Variants in MYO5C observed in about 807,000 individuals in gnomAD.
MYO5C encodes myosin VC.
Under a neutral mutation model 235.7 loss-of-function variants are expected in MYO5C, and 194 were observed. The observed-to-expected ratio is 0.82, with a 90% confidence interval of 0.73 to 0.93. The LOEUF (loss-of-function observed/expected upper bound fraction) is 0.93. Ranked by LOEUF, MYO5C falls within the 40% of genes least tolerant of loss-of-function variation. MYO5C has a pLI of 0.00. For missense variants in MYO5C, 2,038 were observed against 2,127.2 expected, an observed-to-expected ratio of 0.96 and a Z score of 0.82; for synonymous variants, 707 against 754.8, an observed-to-expected ratio of 0.94 and a Z score of 1.04.
intron 1 of MYO5C, among the ~76,000 whole-genome samples, chr15:52,288,853 A>G (rs1265080780): frequency 2.0e-5 from 3 of 152,174 alleles, no homozygotes; most frequent in Non-Finnish European, 2.9e-5. Flanking sequence ...CAAGGCGCCA[A>G]GCTGAGGCAG....
At chr15:52,263,629 C>T (rs1409453546) in intron 9 of MYO5C, among the ~76,000 whole-genome samples, 1 of 152,158 alleles carries the variant, frequency 6.6e-6, no homozygotes, top group Non-Finnish European at 1.5e-5. Flanking sequence ...ACATCTCCTG[C>T]CTGCGGGTTT....
At chr15:52,273,413 G>A (rs1052485257) in intron 5 of MYO5C, among the ~76,000 whole-genome samples, 1 of 152,180 alleles carries the variant, frequency 6.6e-6, no homozygotes, top group East Asian at 1.9e-4. Context: ...CACTGTTATG[G>A]ACTGAATGTT....
chr15:52,272,808 A>G, intron 5 of MYO5C, 85 bp from the exon 6 acceptor site: 4 of 1,378,776 alleles, frequency 2.9e-6, no homozygotes, highest in African/African-American at 2.9e-5. Context: ...GTAAAAGGCA[A>G]TCCTGTACCC....
chr15:52,291,384 C>G (rs959058034), intron 1 of MYO5C, among the ~76,000 whole-genome samples: 1 of 152,242 alleles, frequency 6.6e-6, no homozygotes, highest in African/African-American at 2.4e-5. Context: ...GCTCTCTGGG[C>G]TTTCTTCCTT....
chr15:52,214,389 C>G (rs1196803651), intron 33 of MYO5C, among the ~76,000 whole-genome samples: 1 of 152,276 alleles, frequency 6.6e-6, no homozygotes, highest in East Asian at 1.9e-4. Context: ...ATGTCTCTTG[C>G]GAGTACATGA....
intron 37 of MYO5C, 131 bp downstream of exon 37, chr15:52,205,685 T>C (rs2035296239): frequency 2.0e-6 from 1 of 502,956 alleles, no homozygotes; most frequent in Non-Finnish European, 3.4e-6. Flanking sequence ...AAGGCAGATA[T>C]CTACATGATT....
chr15:52,292,002 G>A (rs200907635), intron 1 of MYO5C, among the ~76,000 whole-genome samples: 1 of 152,028 alleles, frequency 6.6e-6, no homozygotes, highest in Non-Finnish European at 1.5e-5. Context: ...GCCTCCCAAA[G>A]TGCTGGGATT....
intron 32 of MYO5C, among the ~76,000 whole-genome samples, chr15:52,217,274 C>T (rs986413534): frequency 6.6e-6 from 1 of 152,194 alleles, no homozygotes; most frequent in African/African-American, 2.4e-5. Context: ...CTTAGCTCAG[C>T]GCACCTGTGG....
At chr15:52,201,609 CA>C (rs1282830357) in intron 38 of MYO5C, among the ~76,000 whole-genome samples, 2 of 152,086 alleles carry the variant, frequency 1.3e-5, no homozygotes, top group African/African-American at 4.8e-5. Context: ...AATGAAGAAA[CA>C]ACAGAAATGG....
intron 1 of MYO5C, among the ~76,000 whole-genome samples, chr15:52,285,758 C>T (rs996868828): frequency 1.3e-5 from 2 of 152,212 alleles, no homozygotes; most frequent in East Asian, 1.9e-4. Flanking sequence ...GACGGAGTGT[C>T]GTTCACTCAG....
chr15:52,272,122 C>T (rs975858790), intron 6 of MYO5C, among the ~76,000 whole-genome samples: 9 of 152,178 alleles, frequency 5.9e-5, no homozygotes, highest in Non-Finnish European at 1.3e-4. Context: ...TTTTTACAAA[C>T]TTCCTGCAAT....
chr15:52,251,727 C>T (rs985309895), intron 12 of MYO5C, among the ~76,000 whole-genome samples: 6 of 151,914 alleles, frequency 3.9e-5, no homozygotes, highest in East Asian at 1.9e-4. Flanking sequence ...TGTGATGACG[C>T]GATCTTGGCT....
intron 3 of MYO5C, 62 bp from the exon 4 acceptor site, chr15:52,279,079 T>A: frequency 6.4e-7 from 1 of 1,552,822 alleles, no homozygotes; most frequent in South Asian, 1.2e-5. Flanking sequence ...TCCAGTTTTT[T>A]TTTTTTTAAG....
At chr15:52,279,430 C>T (rs1270860058) in intron 3 of MYO5C, 79 bp downstream of exon 3, 1 of 1,484,682 alleles carries the variant, frequency 6.7e-7, no homozygotes, top group East Asian at 2.3e-5. Context: ...TCAGTATAAA[C>T]ATAAAACAAC....
Position 52,275,156 on chromosome 15 carries a change from C to G in MYO5C, c.606+406G>C, listed in dbSNP as rs556690725. On this transcript the variant is annotated intron_variant, in intron 5 of 40. Transcript: ENST00000261839. ...AGGCAGAAGGTATAAATACTTCTCC[C>G]CTGACTGATGTCAAACTACCAAAGG... Among the ~76,000 whole-genome samples, 5 of 152,350 alleles carry G rather than the reference C, an allele frequency of 3.3e-5. 1 individual carries two copies. The South Asian group carries it at 1.0e-3, about 32-fold the overall frequency.
chr15:52,272,733 A>AG lies in MYO5C; in HGVS notation c.607-11_607-10insC. 1.2e-6 allele frequency: 2 copies of AG among 1,609,414 alleles called. No individual in the cohort carries two copies. The highest frequency in any genetic ancestry group is 1.7e-6 in the Non-Finnish European group (2 of 1,178,920). On this transcript the variant is annotated splice_polypyrimidine_tract_variant and intron_variant, in intron 5 of 40. Coordinates refer to ENST00000261839, the MANE Select transcript of MYO5C (RefSeq NM_018728.4). ...TGGCATTTCCAACGGCCTAAAAAAA[A>AG]TAAGACTCTATTGAAATAACAACAT...
At chr15:52,295,547 G>A (rs2037483907) in intron 1 of MYO5C, 63 bp downstream of exon 1, 3 of 1,487,314 alleles carry the variant, frequency 2.0e-6, no homozygotes, top group Non-Finnish European at 2.7e-6. Flanking sequence ...GCGCCAGGTC[G>A]AGTCAGCGTT....
rs764342766 is a variant in MYO5C at position 52,237,654 on chromosome 15, A to G, written c.2704-8T>C. The G allele has an allele frequency of 1.2e-6, 2 of 1,603,328 alleles. No homozygotes were observed. The highest frequency in any genetic ancestry group is 1.1e-5 in the South Asian group (1 of 88,894). On this transcript the variant is annotated splice_polypyrimidine_tract_variant and splice_region_variant and intron_variant, in intron 21 of 40. Transcript: ENST00000261839. ...CCCATGGTTTTCTTTGTTCTAGAGA[A>G]AAGAAAATTCAGATGTTTAGAGGTT...
Position 52,260,855 on chromosome 15 carries a change from A to G in MYO5C, c.1313+7T>C. 6.2e-7 allele frequency: 1 copy of G among 1,613,812 alleles called. No individual in the cohort carries two copies. The highest frequency in any genetic ancestry group is 8.5e-7 in the Non-Finnish European group (1 of 1,179,752). On this transcript the variant is annotated splice_region_variant and intron_variant, in intron 10 of 40. Coordinates refer to ENST00000261839, the MANE Select transcript of MYO5C (RefSeq NM_018728.4). ...AGGAAAGACAGGCTCACTGAAGAGA[A>G]TCTTACCCATAAATGTCCAAAACAC...
Sources: allele counts gnomAD v4.1 joint callset (sites outside exome capture counted in the v4.1 genomes callset), GRCh38; gene constraint gnomAD v4.1.1; transcripts MANE v1.5; gene names NCBI Gene and HGNC (gene_info 2026-07-23, HGNC 2026-07-21).